NVL: variants seen among roughly 807,000 people sequenced by gnomAD.
The protein encoded by NVL is nuclear valosin-containing protein-like.
Under a neutral mutation model 110.2 loss-of-function variants are expected in NVL, and 84 were observed. The observed-to-expected ratio is 0.76, with a 90% CI of 0.64 to 0.91. NVL has a LOEUF of 0.91. NVL is among the 40% of genes least tolerant of loss of function. The probability of loss-of-function intolerance (pLI) is 0.00; values close to 1 mark genes in which losing one functional copy is unlikely to be tolerated. For synonymous variants in NVL, 354 were observed against 361.1 expected (o/e 0.98, Z 0.22); for missense variants, 882 against 1,035.9 (o/e 0.85, Z 2.04).
At chr1:224,287,680 A>G in intron 14 of NVL, 95 bp downstream of exon 14, 2 of 941,778 alleles carry the variant, frequency 2.1e-6, no homozygotes, top group Non-Finnish European at 3.3e-6. Flanking sequence ...TAGTCAAGTC[A>G]GTTTAGCCAC....
chr1:224,307,956 G>A (rs1176398333), intron 6 of NVL, 35 bp downstream of exon 6: 3 of 1,504,454 alleles, frequency 2.0e-6, no homozygotes, highest in Admixed American at 2.3e-5. Flanking sequence ...AATGTACTTC[G>A]ATGATATGGG....
intron 17 of NVL, among the ~76,000 whole-genome samples, chr1:224,268,877 T>C (rs1397179815): frequency 6.6e-6 from 1 of 151,130 alleles, no homozygotes; most frequent in Non-Finnish European, 1.5e-5. Flanking sequence ...AGGCTGGTCT[T>C]CAAACTCCTG....
chr1:224,239,575 G>A (rs935206558), intron 19 of NVL, among the ~76,000 whole-genome samples: 4 of 152,078 alleles, frequency 2.6e-5, no homozygotes, highest in African/African-American at 4.8e-5. Flanking sequence ...AGGACACTCC[G>A]CGTGCTGTTA....
chr1:224,313,952 G>A (rs1007758256), intron 4 of NVL, among the ~76,000 whole-genome samples: 3 of 152,112 alleles, frequency 2.0e-5, no homozygotes, highest in Admixed American at 1.3e-4. Flanking sequence ...GCAGTGAGTC[G>A]AGATCGCACC....
rs567256625 is a variant in NVL at position 224,235,302 on chromosome 1, C to T, written c.2366+1204G>A. On this transcript the variant is annotated intron_variant, in intron 20 of 22. Coordinates refer to ENST00000281701, the MANE Select transcript of NVL (RefSeq NM_002533.4). ...CCTGTCTCAGCCTCCCTAGTAGCTGCGATTACAGGTGTGCACTACCATGCC... is the reference window on the plus strand; with the variant it reads ...CCTGTCTCAGCCTCCCTAGTAGCTGTGATTACAGGTGTGCACTACCATGCC... Among the ~76,000 whole-genome samples the T allele has an allele frequency of 1.6e-4, 24 of 152,108 alleles. No individual in the cohort carries two copies. The South Asian group carries it at 2.9e-3, about 18-fold the overall frequency.
intron 18 of NVL, among the ~76,000 whole-genome samples, chr1:224,260,699 C>CTTTTT (rs940200696): frequency 1.6e-5 from 2 of 126,338 alleles, no homozygotes; most frequent in African/African-American, 3.2e-5. Context: ...TCTTCTTTTC[C>CTTTTT]TTTTTTTTTT....
Position 224,330,081 on chromosome 1 carries a change from C to G in NVL, c.47G>C (p.Arg16Pro), listed in dbSNP as rs1328424986. The G allele has an allele frequency of 6.2e-7, 1 of 1,614,124 alleles. No homozygotes were observed. The highest frequency in any genetic ancestry group is 8.5e-7 in the Non-Finnish European group (1 of 1,180,002). ...GTGCAGAATACACACCTGGATGACTCGCTGCTTGAGTTTATTATCCACGAA... is the reference window on the plus strand; with the variant it reads ...GTGCAGAATACACACCTGGATGACTGGCTGCTTGAGTTTATTATCCACGAA... ...AGFVDNKLKQ[R>P]VIQYLTSNKC... is the part of the protein sequence containing the mutation. The change falls in exon 1 of 23, where the codon CGA (arginine) becomes CCA (proline). Residue 16 changes from arginine to proline, a missense_variant. Physicochemically the swap from Arg to Pro is moderately radical, Grantham distance 103 (BLOSUM62 -2). Transcript: ENST00000281701.
At chr1:224,233,367 T>C in intron 20 of NVL, 78 bp from the exon 21 acceptor site, 1 of 1,005,382 alleles carries the variant, frequency 9.9e-7, no homozygotes, top group East Asian at 2.7e-5. Context: ...ACAGTTTTCA[T>C]ATAAGTCATA....
intron 16 of NVL, among the ~76,000 whole-genome samples, chr1:224,279,801 T>A (rs1038376951): frequency 2.6e-5 from 4 of 152,170 alleles, no homozygotes; most frequent in Non-Finnish European, 5.9e-5. Flanking sequence ...AAATATTCAG[T>A]AAGCACTAAC....
At position 224,282,265 on chromosome 1, in the gene NVL, G is replaced by C. The variant is rs1192120154; in HGVS notation, c.1900-1080C>G. 2.0e-5 allele frequency among the ~76,000 whole-genome samples: 3 copies of C among 151,978 alleles called. No homozygotes were observed. In the South Asian group the frequency reaches 6.2e-4, roughly 32 times the overall value. On this transcript the variant is annotated intron_variant, in intron 15 of 22. Coordinates refer to ENST00000281701, the MANE Select transcript of NVL (RefSeq NM_002533.4). ...ATTTTTTTGGTAGAGGCAGGGTTTT[G>C]CCACATTGCCCAGGCTGAAACCTAC...
At chr1:224,272,842 G>A (rs1203512097) in intron 17 of NVL, among the ~76,000 whole-genome samples, 6 of 150,244 alleles carry the variant, frequency 4.0e-5, no homozygotes, top group Non-Finnish European at 5.9e-5. Context: ...AGACCATCCC[G>A]ACTAAAACGG....
In NVL at chr1:224,289,568, CT is replaced by C; in HGVS notation, c.1490del (p.Gln497ArgfsTer39). The C allele has an allele frequency of 1.2e-6, 2 of 1,614,246 alleles. No individual in the cohort carries two copies. Among genetic ancestry groups the C allele is most frequent in the Non-Finnish European group, 1.7e-6 (2 of 1,180,046 alleles). ...NRVLMKLQEQ[Q>X]KKNPEMEDLP... is the part of the protein sequence containing the mutation. ...AATCTTCCATTTCAGGATTTTTCTT[CT>C]GCTGTTCCTGTAGCTTCATTAAGAC... is the stretch of plus-strand genomic sequence containing the variant. On this transcript the variant is annotated frameshift_variant, in exon 13 of 23. Transcript: ENST00000281701. LOFTEE classifies it high-confidence loss of function.
At chr1:224,260,591 G>A (rs1663856328) in intron 18 of NVL, among the ~76,000 whole-genome samples, 1 of 152,122 alleles carries the variant, frequency 6.6e-6, no homozygotes, top group Non-Finnish European at 1.5e-5. Flanking sequence ...AGAATGGGCA[G>A]AGCCTCTAAC....
intron 18 of NVL, among the ~76,000 whole-genome samples, chr1:224,255,337 C>T (rs1054814391): frequency 1.1e-4 from 16 of 151,730 alleles, no homozygotes; most frequent in African/African-American, 3.9e-4. Context: ...CTTACAGGTG[C>T]CCACCACCAT....
chr1:224,305,141 T>G lies in NVL; in HGVS notation c.641A>C (p.Glu214Ala). 2 of 1,610,308 alleles carry G rather than the reference T, an allele frequency of 1.2e-6. No individual in the cohort carries two copies. The highest frequency in any genetic ancestry group is 1.7e-6 in the Non-Finnish European group (2 of 1,179,184). Residue 214 changes from glutamate to alanine, a missense_variant, in exon 7 of 23, where the codon GAG (glutamate) becomes GCG (alanine). Physicochemically the swap from Glu to Ala is moderately radical, Grantham distance 107. Coordinates refer to ENST00000281701, the MANE Select transcript of NVL (RefSeq NM_002533.4). ...IQDSKDSSLL[E>A]SDMKRKGKLK... The stretch of plus-strand genomic sequence containing the variant: ...CTTGCCTTTCCGTTTCATATCACTC[T>G]CCAAAAGAGAAGAATCTTTTGAATC...
chr1:224,301,189 T>A (rs1283136042), intron 9 of NVL, among the ~76,000 whole-genome samples: 1 of 152,172 alleles, frequency 6.6e-6, no homozygotes, highest in African/African-American at 2.4e-5. Flanking sequence ...CATGTCACTA[T>A]AAAATTCTAT....
chr1:224,287,041 C>T (rs542898250), intron 14 of NVL, among the ~76,000 whole-genome samples: 2 of 152,198 alleles, frequency 1.3e-5, no homozygotes, highest in South Asian at 4.1e-4. Context: ...TGAAGCACAA[C>T]CAAAAGGATC....
intron 20 of NVL, among the ~76,000 whole-genome samples, chr1:224,236,149 G>C (rs1660447542): frequency 6.6e-6 from 1 of 152,140 alleles, no homozygotes; most frequent in African/African-American, 2.4e-5. Flanking sequence ...GTTACTACAG[G>C]CTATGTGGAG....
chr1:224,290,612 C>T (rs1667274167), intron 12 of NVL, among the ~76,000 whole-genome samples: 1 of 152,096 alleles, frequency 6.6e-6, no homozygotes, highest in Non-Finnish European at 1.5e-5. Flanking sequence ...ACCATCCTGG[C>T]TAACACGGTG....
Sources: allele counts gnomAD v4.1 joint callset (sites outside exome capture counted in the v4.1 genomes callset), GRCh38; gene constraint gnomAD v4.1.1; transcripts MANE v1.5; gene names NCBI Gene and HGNC (gene_info 2026-07-23, HGNC 2026-07-21).